Variants in TMEM132C observed in about 807,000 individuals in gnomAD.
TMEM132C encodes protein phosphatase 1, regulatory subunit 152.
Under a neutral mutation model 61.4 loss-of-function variants are expected in TMEM132C, and 29 were observed. That is an observed-to-expected ratio of 0.47 (90% CI 0.35 to 0.64). TMEM132C has a LOEUF of 0.64. TMEM132C is among the 30% of genes least tolerant of loss of function. TMEM132C has a pLI of 0.00. For missense variants in TMEM132C, 1,408 were observed against 1,476.9 expected (o/e 0.95, Z 0.76); for synonymous variants, 656 against 633.1 (o/e 1.04, Z -0.54).
At position 128,630,232 on chromosome 12, in the gene TMEM132C, G is replaced by C. The variant is rs1954055109; in HGVS notation, c.1305+13897G>C. On this transcript the variant is annotated intron_variant, in intron 4 of 8. Transcript: ENST00000435159. The surrounding 1 kb of genome is among the most constrained non-coding windows in gnomAD (Gnocchi z 4.3). ...TAACAAGCTCCAGGGACCCCACTTT[G>C]AGAAGCACTGCCCTGGGTCCAGGGT... Among the ~76,000 whole-genome samples, 1 of 152,114 alleles carries C rather than the reference G, an allele frequency of 6.6e-6. No individual in the cohort carries two copies. The highest frequency in any genetic ancestry group is 1.5e-5 in the Non-Finnish European group (1 of 68,012).
At chr12:128,665,536 T>C (rs537627394) in intron 4 of TMEM132C, among the ~76,000 whole-genome samples, 1,248 of 112,214 alleles carry the variant, frequency 0.011, 23 homozygotes, top group African/African-American at 0.04. Flanking sequence ...CATACACAAA[T>C]GCAGGCGCAA....
intron 4 of TMEM132C, among the ~76,000 whole-genome samples, chr12:128,647,402 A>G (rs865878025): frequency 1.3e-5 from 2 of 151,612 alleles, no homozygotes; most frequent in African/African-American, 2.4e-5. Context: ...ACTAGATCCC[A>G]TCAGCATTGG....
chr12:128,690,943 G>A (rs1252005878), intron 5 of TMEM132C, among the ~76,000 whole-genome samples: 3 of 152,128 alleles, frequency 2.0e-5, no homozygotes, highest in Non-Finnish European at 2.9e-5. Flanking sequence ...CATGGTTCCC[G>A]GAAGCTGGGG....
intron 3 of TMEM132C, among the ~76,000 whole-genome samples, chr12:128,598,046 G>A (rs1020390306): frequency 6.6e-6 from 1 of 152,202 alleles, no homozygotes; most frequent in Non-Finnish European, 1.5e-5. Context: ...TCCTCCTAAC[G>A]TGACAGCTTC....
At chr12:128,689,620 A>T (rs2135648448) in intron 5 of TMEM132C, among the ~76,000 whole-genome samples, 1 of 152,284 alleles carries the variant, frequency 6.6e-6, no homozygotes, top group South Asian at 2.1e-4. Context: ...TGAAATGTTA[A>T]TTAGAGACCC....
At chr12:128,431,844 G>A (rs2136039215) in intron 2 of TMEM132C, among the ~76,000 whole-genome samples, 2 of 152,242 alleles carry the variant, frequency 1.3e-5, no homozygotes, top group South Asian at 4.1e-4. Context: ...TAGCACTTTA[G>A]TAGCTAGAAG....
intron 3 of TMEM132C, among the ~76,000 whole-genome samples, chr12:128,564,322 G>C (rs1309520001): frequency 1.3e-5 from 2 of 152,186 alleles, no homozygotes; most frequent in Non-Finnish European, 2.9e-5. Flanking sequence ...TTTGTGTTGA[G>C]AAATAGTAAT....
intron 1 of TMEM132C, chr12:128,288,909 C>T (rs939078001): frequency 7.2e-5 from 11 of 152,288 alleles, no homozygotes; most frequent in African/African-American, 1.7e-4. Context: ...TTTACTGCCC[C>T]GGAGAAGATG....
At chr12:128,628,986 A>G (rs1310405708) in intron 4 of TMEM132C, among the ~76,000 whole-genome samples, 2 of 152,252 alleles carry the variant, frequency 1.3e-5, no homozygotes, top group Non-Finnish European at 2.9e-5. Flanking sequence ...TGAATTTATA[A>G]TTTATTTTAA....
chr12:128,293,486 A>G (rs1260279875), intron 1 of TMEM132C, among the ~76,000 whole-genome samples: 1 of 152,214 alleles, frequency 6.6e-6, no homozygotes, highest in Non-Finnish European at 1.5e-5. Context: ...AATTTCAAAG[A>G]ACCTCGGGGC....
chr12:128,505,743 A>G lies in TMEM132C; in HGVS notation c.975-38214A>G, dbSNP rs1362734952. On this transcript the variant is annotated intron_variant, in intron 2 of 8. Coordinates refer to ENST00000435159, the MANE Select transcript of TMEM132C (RefSeq NM_001136103.3). ...GCCCTGCAAATGTGAGGGCTACTCAATGTCAATTGAGTGATGAACTGGATG... is the reference window on the plus strand; with the variant it reads ...GCCCTGCAAATGTGAGGGCTACTCAGTGTCAATTGAGTGATGAACTGGATG... Among the ~76,000 whole-genome samples the G allele has an allele frequency of 4.6e-5, 7 of 152,180 alleles. No individual in the cohort carries two copies. The East Asian group carries it at 5.8e-4, about 13-fold the overall frequency.
chr12:128,401,399 G>T (rs979585514), intron 1 of TMEM132C, among the ~76,000 whole-genome samples: 1 of 151,958 alleles, frequency 6.6e-6, no homozygotes, highest in Admixed American at 6.6e-5. Context: ...ACAATTCAAA[G>T]TCAAGTAATA....
In TMEM132C at chr12:128,278,756, G is replaced by A. The variant is rs879571493; in HGVS notation, c.85+11269G>A. Among the ~76,000 whole-genome samples the A allele has an allele frequency of 1.4e-5, 2 of 147,672 alleles. No homozygotes were observed. Among genetic ancestry groups the A allele is most frequent in the Non-Finnish European group, 3.0e-5 (2 of 65,718 alleles). Reference sequence around the variant, plus strand: ...GACTTGATTCTATACGTGTATGTGTGTGTGTGTGTGTGTGTGTGTGTGTGT... The same window carrying A: ...GACTTGATTCTATACGTGTATGTGTATGTGTGTGTGTGTGTGTGTGTGTGT... On this transcript the variant is annotated intron_variant, in intron 1 of 8. Coordinates refer to ENST00000435159, the MANE Select transcript of TMEM132C (RefSeq NM_001136103.3). This position sits in a 1 kb window ranked among gnomAD's most constrained non-coding sequence, Gnocchi z 4.2.
At position 128,705,134 on chromosome 12, in the gene TMEM132C, G is replaced by C; in HGVS notation, c.2166G>C (p.Val722=). 1 of 1,550,324 alleles carries C rather than the reference G, an allele frequency of 6.5e-7. No homozygotes were observed. Among genetic ancestry groups the C allele is most frequent in the Non-Finnish European group, 8.7e-7 (1 of 1,146,134 alleles). ...STWLQFSDGS[V]TPLDIYDTKD... ...GGCTGCAGTTCAGTGATGGCTCTGT[G>C]ACGCCCCTGGACATCTACGACACCA... is the stretch of plus-strand genomic sequence containing the variant. Residue 722 remains valine, a synonymous_variant, in exon 9 of 9, where the codon GTG becomes GTC. Transcript: ENST00000435159.
chr12:128,628,577 A>T (rs1954039623), intron 4 of TMEM132C, among the ~76,000 whole-genome samples: 1 of 152,230 alleles, frequency 6.6e-6, no homozygotes, highest in Non-Finnish European at 1.5e-5. Context: ...TACATTCATT[A>T]TCTGAATTTC....
intron 4 of TMEM132C, among the ~76,000 whole-genome samples, chr12:128,664,114 A>C: frequency 6.7e-6 from 1 of 149,430 alleles, no homozygotes; most frequent in East Asian, 2.0e-4. Flanking sequence ...AGGCACACGC[A>C]CCCGCACGCA....
At position 128,398,609 on chromosome 12, in the gene TMEM132C, G is replaced by A. The variant is rs188733875; in HGVS notation, c.86-16123G>A. The stretch of plus-strand genomic sequence containing the variant: ...CAGGATAGCGCAGAAATGGGCACAG[G>A]GATCCTGAGTTCAAATTCTGATTTC... On this transcript the variant is annotated intron_variant, in intron 1 of 8. Transcript: ENST00000435159. 8.8e-4 allele frequency among the ~76,000 whole-genome samples: 134 copies of A among 152,306 alleles called. 1 individual carries two copies. The highest frequency in any genetic ancestry group is 3.0e-3 in the African/African-American group (125 of 41,560).
At chr12:128,561,781 A>C (rs1254239375) in intron 3 of TMEM132C, among the ~76,000 whole-genome samples, 1 of 150,562 alleles carries the variant, frequency 6.6e-6, no homozygotes, top group Non-Finnish European at 1.5e-5. Flanking sequence ...AATTTCAAAA[A>C]CGTAATTTTT....
Position 128,649,400 on chromosome 12 carries a change from G to A in TMEM132C, c.1306-20017G>A, listed in dbSNP as rs184508847. On this transcript the variant is annotated intron_variant, in intron 4 of 8. Transcript: ENST00000435159. ...GAAGGGACACACATCATTTGCACTC[G>A]TATTTTATTGGCTGCAAAGGATCTG... Among the ~76,000 whole-genome samples the A allele has an allele frequency of 1.4e-3, 210 of 152,286 alleles. 1 individual carries two copies. Among genetic ancestry groups the A allele is most frequent in the Middle Eastern group, 6.8e-3 (2 of 294 alleles).
Sources: gnomAD v4.1 joint callset for allele counts (sites outside exome capture counted in the v4.1 genomes callset) on GRCh38, gnomAD v4.1.1 for gene constraint, Gnocchi (gnomAD v3.1) non-coding constraint, MANE v1.5 for transcripts, NCBI Gene and HGNC (gene_info 2026-07-23, HGNC 2026-07-21) for gene names.